Variants in CASZ1 observed in about 807,000 individuals in gnomAD.
CASZ1 encodes zinc finger protein castor homolog 1.
A neutral mutation model predicts 135.2 loss-of-function variants in CASZ1; 28 were observed. That is an observed-to-expected ratio of 0.21 (90% CI 0.15 to 0.28). The LOEUF is 0.28. Ranked by LOEUF, CASZ1 falls within the 10% of genes least tolerant of loss-of-function variation. The probability of loss-of-function intolerance (pLI) is 1.00; values close to 1 mark genes in which losing one functional copy is unlikely to be tolerated. For synonymous variants in CASZ1, 1,068 were observed against 1,073.4 expected (o/e 0.99, Z 0.10); for missense variants, 2,161 against 2,453.3 (o/e 0.88, Z 2.52).
rs1388849499 is a variant in CASZ1 at position 10,685,189 on chromosome 1, ACTGCGGCCGGGCC to A, written c.16+8672_16+8684del. Among the ~76,000 whole-genome samples the A allele has an allele frequency of 2.0e-5, 3 of 152,336 alleles. No individual in the cohort carries two copies. In the East Asian group the frequency reaches 5.8e-4, roughly 29 times the overall value. On this transcript the variant is annotated intron_variant, in intron 4 of 20. Coordinates refer to ENST00000377022, the MANE Select transcript of CASZ1 (RefSeq NM_001079843.3). ...CAAGGCATCTGGCAATGACTTCACC[ACTGCGGCCGGGCC>A]CTGCAGGGGAGAAGGGCGGCCCTGA... is the stretch of plus-strand genomic sequence containing the variant.
rs562041751 is a variant in CASZ1 at position 10,790,621 on chromosome 1, C to T, written c.-234+5943G>A. ...CTTCTTTATATTTTTATTTTCAATG[C>T]CAAAAGCCTAAAGATTCATTCCGTG... On this transcript the variant is annotated intron_variant, in intron 1 of 20. Transcript: ENST00000377022. Among the ~76,000 whole-genome samples the T allele has an allele frequency of 2.6e-5, 4 of 152,320 alleles. No homozygotes were observed. In the South Asian group the frequency reaches 6.2e-4, roughly 24 times the overall value.
chr1:10,775,650 G>A (rs1458802377), intron 1 of CASZ1, among the ~76,000 whole-genome samples: 2 of 152,112 alleles, frequency 1.3e-5, no homozygotes, highest in Non-Finnish European at 2.9e-5. Context: ...GGGTGTGAAC[G>A]GGAGCAGAGC....
intron 4 of CASZ1, 91 bp downstream of exon 4, chr1:10,693,783 C>T (rs1341129001): frequency 8.2e-7 from 1 of 1,213,722 alleles, no homozygotes; most frequent in Non-Finnish European, 1.2e-6. Context: ...CCCGGCCCCG[C>T]CGCCACCTCA....
At chr1:10,695,491 C>T (rs2100417447) in intron 3 of CASZ1, among the ~76,000 whole-genome samples, 1 of 151,428 alleles carries the variant, frequency 6.6e-6, no homozygotes, top group African/African-American at 2.4e-5. Context: ...CCCCTCTGGC[C>T]GCTGCCCTAG....
In CASZ1 at chr1:10,776,315, T is replaced by C. The variant is rs898162144; in HGVS notation, c.-233-15458A>G. Among the ~76,000 whole-genome samples the C allele has an allele frequency of 1.3e-5, 2 of 152,210 alleles. No homozygotes were observed. Among genetic ancestry groups the C allele is most frequent in the African/African-American group, 4.8e-5 (2 of 41,458 alleles). Reference sequence around the variant, plus strand: ...TCCCCTTAATCTCCATAGTAGTGGCTTCAAAATCATTCCTCCCAGGCTCTG... The same window carrying C: ...TCCCCTTAATCTCCATAGTAGTGGCCTCAAAATCATTCCTCCCAGGCTCTG... On this transcript the variant is annotated intron_variant, in intron 1 of 20. Coordinates refer to ENST00000377022, the MANE Select transcript of CASZ1 (RefSeq NM_001079843.3). This position sits in a 1 kb window ranked among gnomAD's most constrained non-coding sequence, Gnocchi z 4.1.
At chr1:10,672,596 T>C (rs1045835745) in intron 4 of CASZ1, among the ~76,000 whole-genome samples, 1 of 152,122 alleles carries the variant, frequency 6.6e-6, no homozygotes, top group Non-Finnish European at 1.5e-5. Context: ...TCTCGGATTA[T>C]TTGAATTTCA....
chr1:10,643,113 G>A (rs1235665283), intron 19 of CASZ1, 47 bp downstream of exon 19: 3 of 1,601,222 alleles, frequency 1.9e-6, no homozygotes, highest in South Asian at 1.1e-5. Context: ...GGACCATGAT[G>A]CGTTCCCGCC....
intron 20 of CASZ1, 83 bp from the exon 21 acceptor site, chr1:10,640,142 A>T: frequency 6.6e-7 from 1 of 1,518,330 alleles, no homozygotes; most frequent in Non-Finnish European, 8.8e-7. Context: ...GGGACCCCTG[A>T]TCTGGCATGG....
rs930354221 is a variant in CASZ1 at position 10,676,871 on chromosome 1, G to A, written c.17-11300C>T. On this transcript the variant is annotated intron_variant, in intron 4 of 20. Transcript: ENST00000377022. This position sits in a 1 kb window ranked among gnomAD's most constrained non-coding sequence, Gnocchi z 4.5. ...CGGGATCTAGGTCCTGGCAGCTGGCGGGTATCAAGGGCATGCACTCTGTCC... is the reference window on the plus strand; with the variant it reads ...CGGGATCTAGGTCCTGGCAGCTGGCAGGTATCAAGGGCATGCACTCTGTCC... Among the ~76,000 whole-genome samples the A allele has an allele frequency of 2.0e-5, 3 of 152,218 alleles. No individual in the cohort carries two copies. Among genetic ancestry groups the A allele is most frequent in the Admixed American group, 1.3e-4 (2 of 15,286 alleles).
chr1:10,750,930 T>TA (rs1640139315), intron 2 of CASZ1, among the ~76,000 whole-genome samples: 1 of 150,222 alleles, frequency 6.7e-6, no homozygotes, highest in Admixed American at 6.6e-5. Flanking sequence ...ATAAATAAAA[T>TA]AAAAAATAAA....
Position 10,679,114 on chromosome 1 carries a change from G to A in CASZ1, c.17-13543C>T, listed in dbSNP as rs951333166. Among the ~76,000 whole-genome samples, 14 of 152,182 alleles carry A rather than the reference G, an allele frequency of 9.2e-5. No homozygotes were observed. The highest frequency in any genetic ancestry group is 3.4e-4 in the African/African-American group (14 of 41,434). ...CATGAAGAGCTGAGGTTCAGGAGGG[G>A]TACCCGCTGCCCCGACTTCCCAGGA... On this transcript the variant is annotated intron_variant, in intron 4 of 20. Transcript: ENST00000377022. This position sits in a 1 kb window ranked among gnomAD's most constrained non-coding sequence, Gnocchi z 4.7.
At chr1:10,769,782 G>T (rs1640543639) in intron 1 of CASZ1, among the ~76,000 whole-genome samples, 1 of 152,200 alleles carries the variant, frequency 6.6e-6, no homozygotes, top group South Asian at 2.1e-4. Context: ...CTCCCAAAGT[G>T]CTGGGATTAC....
intron 1 of CASZ1, among the ~76,000 whole-genome samples, chr1:10,791,953 A>C (rs1164576919): frequency 6.6e-6 from 1 of 151,896 alleles, no homozygotes; most frequent in Non-Finnish European, 1.5e-5. Context: ...GAATATGCAA[A>C]CTCCTGAGTT....
At chr1:10,782,599 T>A (rs1247670081) in intron 1 of CASZ1, among the ~76,000 whole-genome samples, 1 of 152,054 alleles carries the variant, frequency 6.6e-6, no homozygotes, top group Non-Finnish European at 1.5e-5. Context: ...GCCGGGTGGG[T>A]CACCCGGGAC....
chr1:10,654,379 C>T lies in CASZ1; in HGVS notation c.1838+40G>A, dbSNP rs35604552. ...AGCCTGGGTCCTTGCCTTCCCTCCCCGCTTCTGCCCACGAAGGCCCCCACC... is the reference window on the plus strand; with the variant it reads ...AGCCTGGGTCCTTGCCTTCCCTCCCTGCTTCTGCCCACGAAGGCCCCCACC... On this transcript the variant is annotated intron_variant, in intron 10 of 20. Transcript: ENST00000377022. The T allele has an allele frequency of 0.23, 360,653 of 1,601,170 alleles. 43,855 individuals are homozygous for T. The highest frequency in any genetic ancestry group is 0.25 in the Non-Finnish European group (290,564 of 1,172,428).
intron 1 of CASZ1, among the ~76,000 whole-genome samples, chr1:10,779,940 G>A (rs1268487252): frequency 6.6e-6 from 1 of 152,164 alleles, no homozygotes; most frequent in East Asian, 1.9e-4. Flanking sequence ...CCTGGCCCTT[G>A]GGGATCTGGC....
At chr1:10,689,268 A>C (rs773529600) in intron 4 of CASZ1, among the ~76,000 whole-genome samples, 4 of 152,264 alleles carry the variant, frequency 2.6e-5, no homozygotes, top group Non-Finnish European at 5.9e-5. Context: ...CTGCTCAGGC[A>C]GCGGGCACGG....
intron 2 of CASZ1, among the ~76,000 whole-genome samples, chr1:10,744,796 A>G (rs910674081): frequency 6.6e-6 from 1 of 152,194 alleles, no homozygotes; most frequent in African/African-American, 2.4e-5. Flanking sequence ...AGCGAGAGCC[A>G]TTCATCCTGA....
rs1327508419 is a variant in CASZ1, at chr1:10,666,512, C to G, written c.17-941G>C. 3.3e-5 allele frequency among the ~76,000 whole-genome samples: 5 copies of G among 152,206 alleles called. No homozygotes were observed. Among genetic ancestry groups the G allele is most frequent in the Non-Finnish European group, 7.3e-5 (5 of 68,038 alleles). On this transcript the variant is annotated intron_variant, in intron 4 of 20. Transcript: ENST00000377022. This position sits in a 1 kb window ranked among gnomAD's most constrained non-coding sequence, Gnocchi z 5.2. ...GGCCTGGCCAGCCCACTTCCCAGCCCCCAGGAGCTCCAGCAGGTGCAGGGT... is the reference window on the plus strand; with the variant it reads ...GGCCTGGCCAGCCCACTTCCCAGCCGCCAGGAGCTCCAGCAGGTGCAGGGT...
Sources: allele counts gnomAD v4.1 joint callset (sites outside exome capture counted in the v4.1 genomes callset), GRCh38; gene constraint gnomAD v4.1.1; non-coding constraint Gnocchi (gnomAD v3.1); transcripts MANE v1.5; gene names NCBI Gene and HGNC (gene_info 2026-07-23, HGNC 2026-07-21).